The following CRACDL variants were observed in gnomAD, a reference collection of about 807,000 sequenced individuals.
The protein encoded by CRACDL is CRACD like, also known as CRACD-like protein.
A neutral mutation model predicts 70.6 loss-of-function variants in CRACDL; 26 were observed. That is an observed-to-expected ratio of 0.37 (90% CI 0.27 to 0.51). The LOEUF (loss-of-function observed/expected upper bound fraction) is 0.51, where lower values mean the gene tolerates loss of function less well. Among genes scored for constraint, CRACDL ranks in the 20% least tolerant of loss-of-function variants. The pLI is 0.94. For synonymous variants in CRACDL, 618 were observed against 615.2 expected (o/e 1.00, Z -0.07); for missense variants, 1,283 against 1,376.9 (o/e 0.93, Z 1.08).
chr2:98,832,806 C>T, intron 4 of CRACDL, 56 bp downstream of exon 4: 1 of 1,606,230 alleles, frequency 6.2e-7, no homozygotes, highest in East Asian at 2.2e-5. Context: ...CATTTAAAAA[C>T]TTCTTGATGG....
At chr2:98,934,824 A>G (rs535522633) in intron 1 of CRACDL, among the ~76,000 whole-genome samples, 1 of 152,276 alleles carries the variant, frequency 6.6e-6, no homozygotes, top group South Asian at 2.1e-4. Flanking sequence ...AATGTACAAA[A>G]TCTCACATTT....
intron 1 of CRACDL, among the ~76,000 whole-genome samples, chr2:98,934,978 T>G (rs755805733): frequency 6.6e-6 from 1 of 152,196 alleles, no homozygotes; most frequent in African/African-American, 2.4e-5. Flanking sequence ...GATATCTTTC[T>G]CCTCACAATT....
chr2:98,849,246 G>A (rs1291902560), intron 1 of CRACDL, among the ~76,000 whole-genome samples: 1 of 152,224 alleles, frequency 6.6e-6, no homozygotes, highest in African/African-American at 2.4e-5. Flanking sequence ...TCTTCGTCTG[G>A]GGAAAGGAAC....
chr2:98,819,716 T>C (rs1297901304), intron 7 of CRACDL, among the ~76,000 whole-genome samples: 1 of 152,164 alleles, frequency 6.6e-6, no homozygotes, highest in African/African-American at 2.4e-5. Flanking sequence ...TCTTCCTATG[T>C]ATGCATCTTC....
rs1262230246 is a variant in CRACDL, at chr2:98,823,796, A to G, written c.736-259T>C. Among the ~76,000 whole-genome samples the G allele has an allele frequency of 2.6e-5, 4 of 152,234 alleles. No individual in the cohort carries two copies. ...GCTCCTCTGGCAGAGCCTCAAAACC[A>G]GTGGACTAGAGTAACGCCAAGGGAA... On this transcript the variant is annotated intron_variant, in intron 6 of 9. Coordinates refer to ENST00000397899, the MANE Select transcript of CRACDL (RefSeq NM_207362.3). The surrounding 1 kb of genome is among the most constrained non-coding windows in gnomAD (Gnocchi z 4.0).
chr2:98,875,381 C>A (rs1573124524), intron 1 of CRACDL, among the ~76,000 whole-genome samples: 1 of 152,382 alleles, frequency 6.6e-6, no homozygotes, highest in Middle Eastern at 3.4e-3. Context: ...CAGGCCACCG[C>A]TAGTCAGCTC....
At chr2:98,836,690 TAG>T (rs1476917802) in intron 3 of CRACDL, among the ~76,000 whole-genome samples, 1 of 152,096 alleles carries the variant, frequency 6.6e-6, no homozygotes, top group Admixed American at 6.5e-5. Context: ...GGGTGGGTGT[TAG>T]AGTTTCCCTG....
intron 2 of CRACDL, among the ~76,000 whole-genome samples, chr2:98,841,989 C>CAAG (rs1423493850): frequency 3.3e-5 from 5 of 152,020 alleles, no homozygotes; most frequent in Non-Finnish European, 7.4e-5. Flanking sequence ...TAAGATTTTT[C>CAAG]ATCCTCTTTG....
intron 1 of CRACDL, among the ~76,000 whole-genome samples, chr2:98,902,933 C>A (rs888227767): frequency 6.6e-6 from 1 of 152,114 alleles, no homozygotes; most frequent in Non-Finnish European, 1.5e-5. Flanking sequence ...AGCCTACGAC[C>A]AGCTTTTACC....
intron 1 of CRACDL, among the ~76,000 whole-genome samples, chr2:98,926,338 G>A (rs1332225579): frequency 2.6e-5 from 4 of 151,236 alleles, no homozygotes; most frequent in Non-Finnish European, 5.9e-5. Context: ...GGATTAGAAT[G>A]GGGAAGGCTG....
chr2:98,901,026 T>C (rs56040353), intron 1 of CRACDL, among the ~76,000 whole-genome samples: 184 of 152,320 alleles, frequency 1.2e-3, no homozygotes, highest in Admixed American at 3.4e-3. Context: ...AAAGCGATTC[T>C]GCAAGCAATG....
chr2:98,889,961 T>A (rs569769556), intron 1 of CRACDL, among the ~76,000 whole-genome samples: 133 of 152,244 alleles, frequency 8.7e-4, no homozygotes, highest in Middle Eastern at 3.4e-3. Flanking sequence ...TTGATATTAA[T>A]AAAAACAAAA....
intron 7 of CRACDL, among the ~76,000 whole-genome samples, chr2:98,810,537 G>A (rs577565212): frequency 2.6e-5 from 4 of 152,204 alleles, no homozygotes; most frequent in South Asian, 4.2e-4. Context: ...GGATAAAGAC[G>A]CTGCACATTA....
intron 7 of CRACDL, among the ~76,000 whole-genome samples, chr2:98,816,189 A>C (rs1371461926): frequency 2.0e-5 from 3 of 152,156 alleles, no homozygotes; most frequent in Non-Finnish European, 4.4e-5. Context: ...GTCCTGATCT[A>C]TCTCCTCAGG....
intron 7 of CRACDL, among the ~76,000 whole-genome samples, chr2:98,799,470 TGCTCCCTGGGGCCTCCACCTGACTG>T (rs1433489934): frequency 6.6e-6 from 1 of 152,126 alleles, no homozygotes; most frequent in East Asian, 1.9e-4. Context: ...TTTTTCTGGC[TGCTCCCTGGGGCCTCCACCTGACTG>T]GCCCCCTGGG....
chr2:98,841,831 C>T (rs1575376348), intron 2 of CRACDL, among the ~76,000 whole-genome samples: 1 of 152,280 alleles, frequency 6.6e-6, no homozygotes, highest in East Asian at 1.9e-4. Flanking sequence ...TACTTTTGTA[C>T]CAGCGTAATA....
At chr2:98,804,467 T>C (rs1377445785) in intron 7 of CRACDL, among the ~76,000 whole-genome samples, 2 of 152,226 alleles carry the variant, frequency 1.3e-5, no homozygotes, top group African/African-American at 2.4e-5. Context: ...AGTTTCCCAA[T>C]GTGCAAGTTC....
At chr2:98,800,323 C>A (rs903814078) in intron 7 of CRACDL, among the ~76,000 whole-genome samples, 1 of 152,162 alleles carries the variant, frequency 6.6e-6, no homozygotes, top group South Asian at 2.1e-4. Context: ...GGAGAACAAT[C>A]TTCCAGGCTG....
rs201355087 is a variant in CRACDL, at chr2:98,863,550, C to T, written c.-10-16740G>A. ...TGTAACTCCATTGTTTTGTATTTTA[C>T]GTGATTTAAGAGACTAGCACTTTTT... On this transcript the variant is annotated intron_variant, in intron 1 of 9. Transcript: ENST00000397899. 1.7e-4 allele frequency among the ~76,000 whole-genome samples: 26 copies of T among 152,216 alleles called. No homozygotes were observed. In the East Asian group the frequency reaches 3.9e-3, roughly 23 times the overall value.
Sources: gnomAD v4.1 joint callset for allele counts (sites outside exome capture counted in the v4.1 genomes callset) on GRCh38, gnomAD v4.1.1 for gene constraint, Gnocchi (gnomAD v3.1) non-coding constraint, MANE v1.5 for transcripts, NCBI Gene and HGNC (gene_info 2026-07-23, HGNC 2026-07-21) for gene names.